Variants in SUGP1 observed in about 807,000 individuals in gnomAD.
SUGP1 encodes SURP and G-patch domain containing 1.
SUGP1 carries 34 observed loss-of-function variants against 76.5 expected under a neutral mutation model. The observed-to-expected ratio is 0.44, with a 90% CI of 0.34 to 0.59. The LOEUF (loss-of-function observed/expected upper bound fraction) is 0.59. Ranked by LOEUF, SUGP1 falls within the 20% of genes least tolerant of loss-of-function variation. SUGP1 has a pLI of 0.01. For missense variants in SUGP1, 752 were observed against 851.7 expected, an observed-to-expected ratio of 0.88 and a Z score of 1.46; for synonymous variants, 326 against 326.2, an observed-to-expected ratio of 1.00 and a Z score of 0.01.
At chr19:19,307,643 A>G (rs1169329976) in intron 3 of SUGP1, among the ~76,000 whole-genome samples, 1 of 151,324 alleles carries the variant, frequency 6.6e-6, no homozygotes, top group African/African-American at 2.4e-5. Context: ...GAGGACTTCA[A>G]CCTCTGGTAT....
intron 8 of SUGP1, among the ~76,000 whole-genome samples, chr19:19,283,032 G>A (rs1419853735): frequency 2.0e-5 from 3 of 150,668 alleles, no homozygotes; most frequent in African/African-American, 4.9e-5. Context: ...AGCCAAGATC[G>A]TGCTACTACA....
chr19:19,300,479 A>G (rs1160050975), intron 7 of SUGP1, among the ~76,000 whole-genome samples: 1 of 152,222 alleles, frequency 6.6e-6, no homozygotes, highest in East Asian at 1.9e-4. Context: ...GAGTGGCCAC[A>G]TGAGGCGGCT....
intron 8 of SUGP1, among the ~76,000 whole-genome samples, chr19:19,286,909 G>A (rs1489386014): frequency 6.6e-6 from 1 of 151,732 alleles, no homozygotes; most frequent in East Asian, 1.9e-4. Flanking sequence ...TGGCCGTGGT[G>A]GCACATGCCT....
intron 9 of SUGP1, among the ~76,000 whole-genome samples, chr19:19,279,889 C>T (rs980220710): frequency 5.3e-5 from 8 of 152,200 alleles, no homozygotes; most frequent in East Asian, 1.9e-4. Context: ...CCCTGGAGCG[C>T]GGCGAGAAGC....
In SUGP1 at chr19:19,320,486, T is replaced by A; in HGVS notation, c.11A>T (p.Lys4Met). ...ACCTGCAACATCCCGGTTGTCCATC[T>A]TGAGACTCATCCAATCCCACAATGC... MSLKMDNRDVAGKA... is the reference protein window; with the variant it reads MSLMMDNRDVAGKA... Residue 4 changes from lysine to methionine, a missense_variant, in exon 1 of 14, where the codon AAG becomes ATG. Physicochemically the swap from Lys to Met is moderately conservative, Grantham distance 95. Transcript: ENST00000247001. The A allele has an allele frequency of 6.2e-7, 1 of 1,610,500 alleles. No individual in the cohort carries two copies. The highest frequency in any genetic ancestry group is 8.5e-7 in the Non-Finnish European group (1 of 1,178,766).
In SUGP1 at chr19:19,303,848, C is replaced by CT. The variant is rs1345842542; in HGVS notation, c.539-2dup. On this transcript the variant is annotated splice_acceptor_variant, in intron 4 of 13. Transcript: ENST00000247001. LOFTEE classifies it high-confidence loss of function. ...GTCTCGGCTCCCTCTGGGGGTGAAA[C>CT]TTTAAGGAGGCTGTCAGTACTGGGG... 6.2e-7 allele frequency: 1 copy of CT among 1,613,896 alleles called. No homozygotes were observed. Among genetic ancestry groups the CT allele is most frequent in the Non-Finnish European group, 8.5e-7 (1 of 1,180,032 alleles).
intron 7 of SUGP1, 150 bp from the exon 8 acceptor site, chr19:19,297,494 G>T (rs1261350959): frequency 7.9e-6 from 4 of 504,448 alleles, no homozygotes; most frequent in Non-Finnish European, 1.3e-5. Flanking sequence ...ATGACCTCCT[G>T]CCCTGCCAGG....
At position 19,303,867 on chromosome 19, in the gene SUGP1, A is replaced by G; in HGVS notation, c.539-20T>C. 6.2e-7 allele frequency: 1 copy of G among 1,613,590 alleles called. No individual in the cohort carries two copies. The highest frequency in any genetic ancestry group is 8.5e-7 in the Non-Finnish European group (1 of 1,180,000). On this transcript the variant is annotated intron_variant, in intron 4 of 13. Coordinates refer to ENST00000247001, the MANE Select transcript of SUGP1 (RefSeq NM_172231.4). ...GTGAAACTTTAAGGAGGCTGTCAGTACTGGGGTTCAACTCACACACCCCAC... is the reference window on the plus strand; with the variant it reads ...GTGAAACTTTAAGGAGGCTGTCAGTGCTGGGGTTCAACTCACACACCCCAC...
chr19:19,277,250 G>T (rs1208959285), intron 12 of SUGP1, among the ~76,000 whole-genome samples, 174 bp from the exon 13 acceptor site: 2,392 of 141,154 alleles, frequency 0.017, 84 homozygotes, highest in African/African-American at 0.052. Flanking sequence ...CCCGGGGCGG[G>T]CGGGGGGGGG....
In SUGP1 at chr19:19,279,237, G is replaced by A. The variant is rs1343841425; in HGVS notation, c.1504C>T (p.Arg502Cys). Residue 502 changes from arginine (R) to cysteine (C), a missense_variant, in exon 10 of 14, where the codon CGC becomes TGC. By Grantham distance (180) the Arg-to-Cys change is radical. Transcript: ENST00000247001. Reference sequence around the variant, plus strand: ...CCCCTGGTCTTATCCATCTCCATGCGCCGCAGCTGGTGCTCCCAGGTGCCC... The same window carrying A: ...CCCCTGGTCTTATCCATCTCCATGCACCGCAGCTGGTGCTCCCAGGTGCCC... ...ELGTWEHQLR[R>C]MEMDKTREWA... The A allele has an allele frequency of 1.7e-5, 28 of 1,607,094 alleles. No homozygotes were observed. The highest frequency in any genetic ancestry group is 2.2e-5 in the South Asian group (2 of 90,604).
At chr19:19,309,158 C>T (rs1019840372) in intron 3 of SUGP1, among the ~76,000 whole-genome samples, 21 of 152,014 alleles carry the variant, frequency 1.4e-4, no homozygotes, top group African/African-American at 4.1e-4. Context: ...TGAGCCACTG[C>T]GCCCAGCCTG....
chr19:19,291,964 TA>T (rs577187452), intron 8 of SUGP1, among the ~76,000 whole-genome samples: 23 of 148,514 alleles, frequency 1.5e-4, no homozygotes, highest in Non-Finnish European at 3.3e-4. Context: ...GCTTCACTGG[TA>T]AAGCAAACAT....
At chr19:19,299,092 G>A (rs1599859648) in intron 7 of SUGP1, among the ~76,000 whole-genome samples, 1 of 152,230 alleles carries the variant, frequency 6.6e-6, no homozygotes, top group Non-Finnish European at 1.5e-5. Context: ...CCACTGTTAA[G>A]GTGTTTCCTG....
chr19:19,299,678 G>T (rs1159899794), intron 7 of SUGP1, among the ~76,000 whole-genome samples: 1 of 150,454 alleles, frequency 6.6e-6, no homozygotes, highest in African/African-American at 2.4e-5. Context: ...CACCGCACCC[G>T]GCCTACTGAC....
chr19:19,291,891 AC>A (rs2061187243), intron 8 of SUGP1, among the ~76,000 whole-genome samples: 1 of 83,512 alleles, frequency 1.2e-5, no homozygotes, highest in Admixed American at 1.1e-4. Context: ...AGACTCTGTC[AC>A]ACACACACAC....
intron 2 of SUGP1, among the ~76,000 whole-genome samples, chr19:19,310,682 C>T (rs943445199): frequency 6.6e-6 from 1 of 152,140 alleles, no homozygotes; most frequent in Non-Finnish European, 1.5e-5. Context: ...TTTACTCTGT[C>T]GCCCAGGCTG....
intron 2 of SUGP1, among the ~76,000 whole-genome samples, chr19:19,313,009 A>AAAAT (rs200464389): frequency 1.3e-5 from 2 of 151,448 alleles, no homozygotes; most frequent in African/African-American, 4.8e-5. Context: ...ATAAATAAAT[A>AAAAT]AAATAAATAA....
chr19:19,320,424 G>A (rs200888602), intron 1 of SUGP1, 39 bp downstream of exon 1: 2 of 1,604,682 alleles, frequency 1.2e-6, no homozygotes, highest in East Asian at 2.2e-5. Context: ...TAGCCCCAGG[G>A]ACCCAGGCGG....
chr19:19,286,608 A>G (rs972221003), intron 8 of SUGP1, among the ~76,000 whole-genome samples: 5 of 152,148 alleles, frequency 3.3e-5, no homozygotes, highest in African/African-American at 9.7e-5. Context: ...AAAGCTGGAC[A>G]TGGGTGGCTC....
Sources: allele counts gnomAD v4.1 joint callset (sites outside exome capture counted in the v4.1 genomes callset), GRCh38; gene constraint gnomAD v4.1.1; transcripts MANE v1.5; gene names NCBI Gene and HGNC (gene_info 2026-07-23, HGNC 2026-07-21).